CIP2A: variants seen among roughly 807,000 people sequenced by gnomAD.
CIP2A encodes cellular inhibitor of PP2A, also known as protein CIP2A.
In CIP2A, 103 loss-of-function variants were observed where a neutral mutation model predicts 110.9. That is an observed-to-expected ratio of 0.93 (90% CI 0.79 to 1.09). The LOEUF (loss-of-function observed/expected upper bound fraction) is 1.09, where lower values mean the gene tolerates loss of function less well. Ranked by LOEUF, CIP2A falls within the 50% of genes least tolerant of loss-of-function variation. CIP2A has a pLI of 0.00. For synonymous variants in CIP2A, 381 were observed against 361.6 expected (o/e 1.05, Z -0.61); for missense variants, 1,088 against 1,038.4 (o/e 1.05, Z -0.66).
chr3:108,562,540 T>G (rs1282140014), intron 13 of CIP2A, among the ~76,000 whole-genome samples: 1 of 152,172 alleles, frequency 6.6e-6, no homozygotes, highest in Non-Finnish European at 1.5e-5. Flanking sequence ...TAATAGACAT[T>G]TAGTTCAGAG....
rs747599550 is a variant in CIP2A, at chr3:108,569,380, T to A, written c.1113+9A>T. ...AGTAGAAAAGTCAATCTGTCAGTCA[T>A]CCTATTACCTCAAATATTTCCTTGA... On this transcript the variant is annotated intron_variant, in intron 9 of 20. Transcript: ENST00000295746. The A allele has an allele frequency of 1.0e-5, 16 of 1,590,986 alleles. No homozygotes were observed. The highest frequency in any genetic ancestry group is 1.4e-5 in the Non-Finnish European group (16 of 1,159,920).
chr3:108,569,889 T>G (rs1938325989), intron 8 of CIP2A, among the ~76,000 whole-genome samples: 1 of 152,018 alleles, frequency 6.6e-6, no homozygotes, highest in African/African-American at 2.4e-5. Context: ...CCTTCCATAG[T>G]ACTTAAATTA....
At chr3:108,566,394 CTT>C in intron 11 of CIP2A, 101 bp downstream of exon 11, 1 of 851,908 alleles carries the variant, frequency 1.2e-6, no homozygotes, top group Non-Finnish European at 1.8e-6. Flanking sequence ...TCTGTTATAT[CTT>C]AAGTTATAAC....
At chr3:108,561,861 C>T (rs991780940) in intron 13 of CIP2A, among the ~76,000 whole-genome samples, 2 of 152,090 alleles carry the variant, frequency 1.3e-5, no homozygotes. Context: ...TGCCAAGACA[C>T]AGTCAAAATG....
At position 108,566,441 on chromosome 3, in the gene CIP2A, A is replaced by T. The variant is rs377542466; in HGVS notation, c.1415+56T>A. 277 of 1,403,282 alleles carry T rather than the reference A, an allele frequency of 2.0e-4. No homozygotes were observed. In the South Asian group the frequency reaches 3.3e-3, roughly 17 times the overall value. The allele number at this position is 1,403,282 out of a possible 1,614,324, so 86.9% of individuals were successfully genotyped here. Reference sequence around the variant, plus strand: ...GTCCTCCAAAAGGATGAGAATCACCACATCTTTCGATTTTTTACTGCCTTG... The same window carrying T: ...GTCCTCCAAAAGGATGAGAATCACCTCATCTTTCGATTTTTTACTGCCTTG... On this transcript the variant is annotated intron_variant, in intron 11 of 20. Transcript: ENST00000295746.
chr3:108,570,441 G>C (rs938127899), intron 8 of CIP2A, among the ~76,000 whole-genome samples: 2 of 152,062 alleles, frequency 1.3e-5, no homozygotes, highest in African/African-American at 4.8e-5. Context: ...GTTGCTTAAT[G>C]CATCATTAAT....
At chr3:108,560,125 A>C in intron 14 of CIP2A, 97 bp from the exon 15 acceptor site, 1 of 673,814 alleles carries the variant, frequency 1.5e-6, no homozygotes, top group Non-Finnish European at 2.6e-6. Flanking sequence ...ATTAAAACTT[A>C]ATGATGAGTA....
At chr3:108,581,155 T>C (rs1938862862) in intron 5 of CIP2A, among the ~76,000 whole-genome samples, 1 of 152,210 alleles carries the variant, frequency 6.6e-6, no homozygotes, top group Non-Finnish European at 1.5e-5. Context: ...TAATAAATAA[T>C]GGGATGCCAT....
chr3:108,585,702 T>A (rs1173797823), intron 1 of CIP2A: 5 of 456,302 alleles, frequency 1.1e-5, no homozygotes, highest in Non-Finnish European at 1.8e-5. Context: ...GCCCAGAGGG[T>A]AGTTATGGGA....
chr3:108,577,482 G>A (rs750269160), intron 7 of CIP2A, among the ~76,000 whole-genome samples: 9 of 152,148 alleles, frequency 5.9e-5, no homozygotes, highest in Admixed American at 1.3e-4. Context: ...ACATAGGTAC[G>A]TTTGTCCAGG....
Position 108,554,364 on chromosome 3 carries a change from T to C in CIP2A, c.2324+12A>G. 1 of 1,139,976 alleles carries C rather than the reference T, an allele frequency of 8.8e-7. No individual in the cohort carries two copies. The highest frequency in any genetic ancestry group is 1.3e-6 in the Non-Finnish European group (1 of 770,608). The allele number at this position is 1,139,976 out of a possible 1,614,324, so 70.6% of individuals were successfully genotyped here. On this transcript the variant is annotated intron_variant, in intron 18 of 20. Coordinates refer to ENST00000295746, the MANE Select transcript of CIP2A (RefSeq NM_020890.3). ...ATCCCACATATTCAGAATATAGAAC[T>C]AGAGATTTTACTTTTCATTTTGTTC...
intron 7 of CIP2A, among the ~76,000 whole-genome samples, chr3:108,577,516 A>G (rs1414220480): frequency 6.6e-6 from 1 of 152,208 alleles, no homozygotes; most frequent in Non-Finnish European, 1.5e-5. Flanking sequence ...GGGAGCTCCA[A>G]TCAAATGGGG....
At chr3:108,574,759 CTAT>C (rs1938511140) in intron 8 of CIP2A, 1 of 153,122 alleles carries the variant, frequency 6.5e-6, no homozygotes, top group Non-Finnish European at 1.5e-5. Context: ...CTTCTGAGAG[CTAT>C]TATGCAAGGT....
rs548430678 is a variant in CIP2A at position 108,563,201 on chromosome 3, T to C, written c.1559A>G (p.Asp520Gly). ...ITPLAFALTS[D>G]NREQVQSGLR... ...TCCAGACTGTACTTGTTCTCTATTA[T>C]CTGACGTTAAAGCAAAAGCCAAAGG... Residue 520 changes from aspartate to glycine, a missense_variant, in exon 13 of 21, where the codon GAT (aspartate) becomes GGT (glycine). By Grantham distance (94) the Asp-to-Gly change is moderately conservative. Transcript: ENST00000295746. 2 of 1,612,718 alleles carry C rather than the reference T, an allele frequency of 1.2e-6. No individual in the cohort carries two copies. Among genetic ancestry groups the C allele is most frequent in the African/African-American group, 2.7e-5 (2 of 74,822 alleles).
intron 8 of CIP2A, among the ~76,000 whole-genome samples, chr3:108,575,912 A>G (rs1160978979): frequency 6.9e-6 from 1 of 144,094 alleles, no homozygotes; most frequent in Admixed American, 6.8e-5. Context: ...ACATATATAC[A>G]TATACGTATA....
At chr3:108,583,298 G>A (rs1290258648) in intron 2 of CIP2A, among the ~76,000 whole-genome samples, 1 of 151,794 alleles carries the variant, frequency 6.6e-6, no homozygotes, top group African/African-American at 2.4e-5. Context: ...TTACACATTT[G>A]TAGCAAGCTT....
intron 10 of CIP2A, 33 bp from the exon 11 acceptor site, chr3:108,566,671 T>A (rs2603121): frequency 0.19 from 275,165 of 1,426,766 alleles, 29,485 homozygotes; most frequent in Non-Finnish European, 0.22. Context: ...AACAAAAAAA[T>A]TCTCACTTTA....
intron 2 of CIP2A, 99 bp from the exon 3 acceptor site, chr3:108,583,182 AG>A (rs1343638721): frequency 7.2e-6 from 4 of 556,808 alleles, no homozygotes; most frequent in Non-Finnish European, 1.2e-5. Context: ...TTATTAAAAA[AG>A]GTATGATATG....
chr3:108,575,890 ATGAGTATATATACATATATACATATAC>A (rs1938622819), intron 8 of CIP2A, among the ~76,000 whole-genome samples: 1 of 30,556 alleles, frequency 3.3e-5, no homozygotes, highest in African/African-American at 7.8e-5. Flanking sequence ...ATACATGTGT[ATGAGTATATATACATATATACATATAC>A]GTATATATAC....
Sources: allele counts gnomAD v4.1 joint callset (sites outside exome capture counted in the v4.1 genomes callset), GRCh38; gene constraint gnomAD v4.1.1; transcripts MANE v1.5; gene names NCBI Gene and HGNC (gene_info 2026-07-23, HGNC 2026-07-21).